ZSWIM6: variants seen among roughly 807,000 people sequenced by gnomAD.
ZSWIM6 encodes the protein zinc finger SWIM domain-containing protein 6.
A neutral mutation model predicts 113.2 loss-of-function variants in ZSWIM6; 9 were observed. That is an observed-to-expected ratio of 0.08 (90% CI 0.05 to 0.14). The LOEUF is 0.14. Among genes scored for constraint, ZSWIM6 ranks in the 10% least tolerant of loss-of-function variants. The pLI is 1.00. For missense variants in ZSWIM6, 1,162 were observed against 1,552.2 expected, an observed-to-expected ratio of 0.75 and a Z score of 4.22; for synonymous variants, 611 against 606.5, an observed-to-expected ratio of 1.01 and a Z score of -0.11.
intron 1 of ZSWIM6, among the ~76,000 whole-genome samples, chr5:61,365,536 C>T (rs1324766641): frequency 1.3e-5 from 2 of 152,086 alleles, no homozygotes; most frequent in African/African-American, 2.4e-5. Flanking sequence ...TCCGATTTGA[C>T]AGCTCTTTTA....
chr5:61,404,757 A>G (rs1277100079), intron 1 of ZSWIM6, among the ~76,000 whole-genome samples: 8 of 152,170 alleles, frequency 5.3e-5, no homozygotes, highest in East Asian at 1.9e-4. Flanking sequence ...AAACATTCCA[A>G]TCACCTAGAG....
At chr5:61,356,510 C>T (rs1261566039) in intron 1 of ZSWIM6, among the ~76,000 whole-genome samples, 1 of 150,890 alleles carries the variant, frequency 6.6e-6, no homozygotes, top group Non-Finnish European at 1.5e-5. Flanking sequence ...AAAGTAAGGG[C>T]AAAAACTGCA....
intron 4 of ZSWIM6, among the ~76,000 whole-genome samples, chr5:61,498,472 A>T (rs1234499545): frequency 6.6e-6 from 1 of 152,140 alleles, no homozygotes; most frequent in Non-Finnish European, 1.5e-5. Flanking sequence ...CCAGAGTTAG[A>T]TTGTTTTTCT....
intron 1 of ZSWIM6, among the ~76,000 whole-genome samples, chr5:61,405,026 G>A (rs1746017644): frequency 2.0e-5 from 3 of 152,152 alleles, no homozygotes. Context: ...CTTACAATAT[G>A]ACAAATAAGG....
At position 61,332,875 on chromosome 5, in the gene ZSWIM6, C is replaced by G. The variant is rs1157915201; in HGVS notation, c.603C>G (p.Asp201Glu). 95 of 1,277,950 alleles carry G rather than the reference C, an allele frequency of 7.4e-5. No individual in the cohort carries two copies. The highest frequency in any genetic ancestry group is 9.5e-5 in the Non-Finnish European group (94 of 994,102). 79.2% of individuals were successfully genotyped at this position (1,277,950 alleles called of 1,614,324 possible). A position where few individuals can be genotyped will look rare whatever the true frequency, so the allele number is the denominator to read the frequency against. Residue 201 changes from aspartate to glutamate, a missense_variant, in exon 1 of 14, where the codon GAC becomes GAG. Physicochemically the swap from Asp to Glu is conservative, Grantham distance 45 (BLOSUM62 2). Coordinates refer to ENST00000252744, the MANE Select transcript of ZSWIM6 (RefSeq NM_020928.2). ...VGAAGAADGGDETRLPFRRGI... is the reference protein window; with the variant it reads ...VGAAGAADGGEETRLPFRRGI... ...CTGCCGGGGCGGCGGACGGCGGCGA[C>G]GAGACGCGGCTGCCTTTCCGCCGGG...
In ZSWIM6 at chr5:61,422,702, G is replaced by A. The variant is rs1746379522; in HGVS notation, c.677-49979G>A. Among the ~76,000 whole-genome samples the A allele has an allele frequency of 2.0e-5, 3 of 152,122 alleles. No individual in the cohort carries two copies. In the South Asian group the frequency reaches 6.2e-4, roughly 31 times the overall value. On this transcript the variant is annotated intron_variant, in intron 1 of 13. Coordinates refer to ENST00000252744, the MANE Select transcript of ZSWIM6 (RefSeq NM_020928.2). ...TTGATTCTTCTAATCCATGAACATG[G>A]AGTATATTTCCATTTTTGTGTGTGT... is the stretch of plus-strand genomic sequence containing the variant.
In ZSWIM6 at chr5:61,456,455, G is replaced by GA. The variant is rs531220675; in HGVS notation, c.677-16217dup. 1.9e-4 allele frequency among the ~76,000 whole-genome samples: 28 copies of GA among 150,270 alleles called. 1 individual carries two copies. The South Asian group carries it at 4.6e-3, about 25-fold the overall frequency. The stretch of plus-strand genomic sequence containing the variant: ...GACCGGCAGAGGTGACCCCACCAAG[G>GA]AAAAAAAAAGAAAACAAAAACCTTA... On this transcript the variant is annotated intron_variant, in intron 1 of 13. Transcript: ENST00000252744.
chr5:61,415,796 T>A (rs780908320), intron 1 of ZSWIM6, among the ~76,000 whole-genome samples: 8 of 152,200 alleles, frequency 5.3e-5, no homozygotes, highest in Non-Finnish European at 8.8e-5. Context: ...TTAGTTAATG[T>A]ATATGCTGCA....
intron 1 of ZSWIM6, among the ~76,000 whole-genome samples, chr5:61,343,264 T>C (rs912663397): frequency 2.9e-4 from 44 of 152,210 alleles, no homozygotes; most frequent in African/African-American, 9.9e-4. Flanking sequence ...TCAGATACTT[T>C]GGAAGCTCAT....
chr5:61,393,204 C>T (rs915900031), intron 1 of ZSWIM6, among the ~76,000 whole-genome samples: 2 of 151,404 alleles, frequency 1.3e-5, no homozygotes, highest in Non-Finnish European at 2.9e-5. Context: ...CCACTCCCGA[C>T]TAATTTTTTT....
Position 61,535,548 on chromosome 5 carries a change from C to T in ZSWIM6, c.2310C>T (p.Ala770=), listed in dbSNP as rs1204344020. Residue 770 remains alanine (A), a synonymous_variant, in exon 10 of 14, where the codon GCC becomes GCT. Transcript: ENST00000252744. ...AGAGCGTTCCAATGCACACATTTGCCAAGTATCTCTTCACCTCTCTCCTAC... is the reference window on the plus strand; with the variant it reads ...AGAGCGTTCCAATGCACACATTTGCTAAGTATCTCTTCACCTCTCTCCTAC... ...HRESVPMHTF[A]KYLFTSLLPH... 6.4e-7 allele frequency: 1 copy of T among 1,551,238 alleles called. No individual in the cohort carries two copies. The highest frequency in any genetic ancestry group is 2.4e-5 in the East Asian group (1 of 40,898).
intron 3 of ZSWIM6, among the ~76,000 whole-genome samples, chr5:61,493,753 C>G (rs922482889): frequency 6.6e-6 from 1 of 152,088 alleles, no homozygotes; most frequent in African/African-American, 2.4e-5. Context: ...ATACCTGTTC[C>G]CAGTGCCAGA....
At chr5:61,389,276 C>T (rs1185023861) in intron 1 of ZSWIM6, among the ~76,000 whole-genome samples, 1 of 152,052 alleles carries the variant, frequency 6.6e-6, no homozygotes, top group Non-Finnish European at 1.5e-5. Context: ...TGCAGCTTGG[C>T]CGGGCGCGGT....
At chr5:61,402,376 A>G (rs946536823) in intron 1 of ZSWIM6, among the ~76,000 whole-genome samples, 5 of 152,236 alleles carry the variant, frequency 3.3e-5, no homozygotes, top group African/African-American at 1.2e-4. Flanking sequence ...TTTTAAAACT[A>G]CAATGGAATT....
intron 1 of ZSWIM6, among the ~76,000 whole-genome samples, chr5:61,442,843 T>A (rs1006208386): frequency 6.6e-6 from 1 of 152,218 alleles, no homozygotes; most frequent in African/African-American, 2.4e-5. Context: ...CCTTAAATTC[T>A]ATTTATAAGA....
rs768763395 is a variant in ZSWIM6, at chr5:61,521,297, C to T, written c.1368C>T (p.His456=). ...GGATGTGTATAGTTTTAAACCCCCA[C>T]TGCAAGTTGGAGCAAAAGGCCAGTT... The part of the protein sequence containing the change: ...ALWMCIVLNP[H]CKLEQKASWL... The change falls in exon 5 of 14, where the codon CAC becomes CAT. Residue 456 remains histidine (H), a synonymous_variant. Transcript: ENST00000252744. The T allele has an allele frequency of 1.3e-6, 2 of 1,510,986 alleles. No individual in the cohort carries two copies. The highest frequency in any genetic ancestry group is 1.8e-6 in the Non-Finnish European group (2 of 1,127,572). The allele number at this position is 1,510,986 out of a possible 1,614,324, so 93.6% of individuals were successfully genotyped here.
intron 9 of ZSWIM6, among the ~76,000 whole-genome samples, chr5:61,533,333 A>T (rs532779857): frequency 6.6e-6 from 1 of 152,336 alleles, no homozygotes; most frequent in South Asian, 2.1e-4. Context: ...TCGTGCAGTT[A>T]TACTCTTTGC....
At chr5:61,413,385 G>A (rs1034262675) in intron 1 of ZSWIM6, among the ~76,000 whole-genome samples, 7 of 151,862 alleles carry the variant, frequency 4.6e-5, no homozygotes, top group Non-Finnish European at 8.8e-5. Flanking sequence ...GTATTCCATG[G>A]TGTATATGTG....
At chr5:61,356,102 G>A (rs11750589) in intron 1 of ZSWIM6, among the ~76,000 whole-genome samples, 30,511 of 152,090 alleles carry the variant, frequency 0.2, 3,145 homozygotes, top group South Asian at 0.31. Context: ...GTGTGTGTCT[G>A]TGTGTGTGTT....
Sources: gnomAD v4.1 joint callset for allele counts (sites outside exome capture counted in the v4.1 genomes callset) on GRCh38, gnomAD v4.1.1 for gene constraint, MANE v1.5 for transcripts, NCBI Gene and HGNC (gene_info 2026-07-23, HGNC 2026-07-21) for gene names.